Variants in YAP1 observed in about 807,000 individuals in gnomAD.
The protein encoded by YAP1 is transcriptional coactivator YAP1.
YAP1 carries 5 observed loss-of-function variants against 56.9 expected under a neutral mutation model. The ratio of observed to expected loss-of-function variants is 0.09; its 90% CI spans 0.05 to 0.18. YAP1 has a LOEUF of 0.18. Ranked by LOEUF, YAP1 falls within the 10% of genes least tolerant of loss-of-function variation. The pLI, the probability that YAP1 is intolerant of heterozygous loss-of-function variation, is 1.00. For synonymous variants in YAP1, 265 were observed against 248.1 expected (o/e 1.07, Z -0.64); for missense variants, 539 against 651.8 (o/e 0.83, Z 1.88).
At chr11:102,151,761 G>C (rs1981420) in intron 2 of YAP1, among the ~76,000 whole-genome samples, 2,286 of 152,272 alleles carry the variant, frequency 0.015, 61 homozygotes, top group African/African-American at 0.053. Context: ...TGGTGGTATG[G>C]AGAGGGTTGG....
At chr11:102,133,484 A>G (rs950413002) in intron 2 of YAP1, among the ~76,000 whole-genome samples, 4 of 152,090 alleles carry the variant, frequency 2.6e-5, no homozygotes, top group Non-Finnish European at 5.9e-5. Context: ...TTTTGTAGAG[A>G]TGGGGTTTCA....
At position 102,157,073 on chromosome 11, in the gene YAP1, G is replaced by T. The variant is rs1945997018; in HGVS notation, c.573-5383G>T. ...CTTTTATGTATTTCTGCTCATACTT[G>T]TTCATAATTTTAACTCATTAACAGC... On this transcript the variant is annotated intron_variant, in intron 2 of 8. Coordinates refer to ENST00000282441, the MANE Select transcript of YAP1 (RefSeq NM_001130145.3). Among the ~76,000 whole-genome samples, 3 of 152,082 alleles carry T rather than the reference G, an allele frequency of 2.0e-5. No homozygotes were observed. In the South Asian group the frequency reaches 6.2e-4, roughly 32 times the overall value.
intron 4 of YAP1, among the ~76,000 whole-genome samples, chr11:102,200,329 A>G (rs1416386350): frequency 6.6e-6 from 1 of 152,218 alleles, no homozygotes; most frequent in African/African-American, 2.4e-5. Flanking sequence ...TGAGTTGCCA[A>G]GTAAATGAGA....
intron 2 of YAP1, among the ~76,000 whole-genome samples, chr11:102,161,649 A>G (rs937902649): frequency 3.3e-5 from 5 of 152,122 alleles, no homozygotes; most frequent in Admixed American, 2.0e-4. Context: ...ATACTTTTTA[A>G]GGTAGTTTTA....
intron 3 of YAP1, among the ~76,000 whole-genome samples, chr11:102,174,057 T>G (rs1171031263): frequency 2.0e-5 from 3 of 152,236 alleles, no homozygotes; most frequent in African/African-American, 7.2e-5. Context: ...CCTGAGATTC[T>G]GCATTTCTAA....
chr11:102,189,304 T>A (rs576481592), intron 4 of YAP1, among the ~76,000 whole-genome samples: 3 of 152,258 alleles, frequency 2.0e-5, no homozygotes. Flanking sequence ...GTAAAAGGCC[T>A]AATGAAAACA....
intron 2 of YAP1, among the ~76,000 whole-genome samples, chr11:102,145,136 A>T (rs12285649): frequency 2.0e-5 from 3 of 151,946 alleles, no homozygotes; most frequent in Non-Finnish European, 4.4e-5. Context: ...ACCGGAGTTC[A>T]TATGTGAAAT....
chr11:102,143,731 A>G (rs1945157943), intron 2 of YAP1, among the ~76,000 whole-genome samples: 1 of 152,244 alleles, frequency 6.6e-6, no homozygotes. Flanking sequence ...CCAGTGTTTT[A>G]ATCGAACAGG....
chr11:102,186,259 C>A, intron 4 of YAP1, 128 bp downstream of exon 4: 2 of 998,890 alleles, frequency 2.0e-6, no homozygotes, highest in Non-Finnish European at 2.9e-6. Flanking sequence ...CCTGCCCACC[C>A]AATGTTTACC....
intron 4 of YAP1, among the ~76,000 whole-genome samples, chr11:102,200,147 G>A (rs1307088098): frequency 3.9e-5 from 6 of 152,046 alleles, no homozygotes; most frequent in Admixed American, 2.0e-4. Context: ...CAGTACTGCC[G>A]TACTAGTATA....
At chr11:102,160,573 A>G (rs549409638) in intron 2 of YAP1, among the ~76,000 whole-genome samples, 2 of 152,374 alleles carry the variant, frequency 1.3e-5, no homozygotes, top group East Asian at 1.9e-4. Context: ...CTACTCGGCT[A>G]GTAGCAAACT....
At chr11:102,186,324 A>G (rs1247825028) in intron 4 of YAP1, 193 bp downstream of exon 4, 4 of 588,076 alleles carry the variant, frequency 6.8e-6, no homozygotes, top group South Asian at 4.4e-5. Flanking sequence ...TCTGAATCAG[A>G]TTTTTAGGGC....
intron 2 of YAP1, among the ~76,000 whole-genome samples, chr11:102,160,509 T>C (rs1049322125): frequency 6.6e-6 from 1 of 152,224 alleles, no homozygotes; most frequent in Non-Finnish European, 1.5e-5. Flanking sequence ...TCTGGATTCG[T>C]CTTAATAGAT....
intron 3 of YAP1, among the ~76,000 whole-genome samples, chr11:102,162,897 T>C (rs1218698237): frequency 6.6e-6 from 1 of 152,124 alleles, no homozygotes; most frequent in Non-Finnish European, 1.5e-5. Flanking sequence ...TCTCAGGTAT[T>C]TGAGTTGAAT....
chr11:102,171,434 T>A (rs1054414076), intron 3 of YAP1, among the ~76,000 whole-genome samples: 4 of 152,248 alleles, frequency 2.6e-5, no homozygotes, highest in Non-Finnish European at 5.9e-5. Context: ...TTTCTTTTGA[T>A]GTTAGTAAGG....
chr11:102,232,291 G>C lies in YAP1; in HGVS notation c.*2351G>C, dbSNP rs1027243227. The C allele has an allele frequency of 2.8e-5, 4 of 141,594 alleles. No homozygotes were observed. The highest frequency in any genetic ancestry group is 6.1e-5 in the Non-Finnish European group (4 of 65,438). The allele number at this position is 141,594 out of a possible 1,614,324, so 8.8% of individuals were successfully genotyped here. ...GGTGGGAAAGTTTGGGGGGGGGGTT[G>C]TGAAGATTTAGGGGGACCTTGATAG... On this transcript the variant is annotated 3_prime_UTR_variant, in exon 9 of 9. Coordinates refer to ENST00000282441, the MANE Select transcript of YAP1 (RefSeq NM_001130145.3).
Position 102,219,046 on chromosome 11 carries a change from T to C in YAP1, c.1033-4576T>C, listed in dbSNP as rs373798515. Among the ~76,000 whole-genome samples the C allele has an allele frequency of 1.2e-4, 18 of 152,356 alleles. No individual in the cohort carries two copies. The South Asian group carries it at 3.1e-3, about 26-fold the overall frequency. On this transcript the variant is annotated intron_variant, in intron 6 of 8. Transcript: ENST00000282441. ...ATAGCCAATTCAGTTATTTTAGTTA[T>C]GACTTACAGTTTAGTGTTATATATT...
chr11:102,134,597 C>G (rs1179282033), intron 2 of YAP1, among the ~76,000 whole-genome samples: 3 of 151,622 alleles, frequency 2.0e-5, no homozygotes, highest in East Asian at 3.9e-4. Context: ...AGGTTAACCA[C>G]TCTCCAGGTT....
At chr11:102,151,684 C>G (rs1945665441) in intron 2 of YAP1, among the ~76,000 whole-genome samples, 1 of 152,074 alleles carries the variant, frequency 6.6e-6, no homozygotes, top group Non-Finnish European at 1.5e-5. Context: ...AGTAGGTGTT[C>G]AGTAAGTGCT....
Sources: gnomAD v4.1 joint callset for allele counts (sites outside exome capture counted in the v4.1 genomes callset) on GRCh38, gnomAD v4.1.1 for gene constraint, MANE v1.5 for transcripts, NCBI Gene and HGNC (gene_info 2026-07-23, HGNC 2026-07-21) for gene names.